Variants in MLLT10 observed in about 807,000 individuals in gnomAD.
The protein encoded by MLLT10 is MLLT10 histone lysine methyltransferase DOT1L cofactor.
A neutral mutation model predicts 129.1 loss-of-function variants in MLLT10; 30 were observed. The observed-to-expected ratio is 0.23, with a 90% CI of 0.17 to 0.32. The LOEUF (loss-of-function observed/expected upper bound fraction) is 0.32, where lower values mean the gene tolerates loss of function less well. Among genes scored for constraint, MLLT10 ranks in the 10% least tolerant of loss-of-function variants. The pLI is 1.00. For synonymous variants in MLLT10, 490 were observed against 446.4 expected, an observed-to-expected ratio of 1.10 and a Z score of -1.23; for missense variants, 1,119 against 1,268.3, an observed-to-expected ratio of 0.88 and a Z score of 1.79.
intron 4 of MLLT10, among the ~76,000 whole-genome samples, chr10:21,591,999 G>A (rs1262693762): frequency 6.6e-6 from 1 of 152,120 alleles, no homozygotes; most frequent in African/African-American, 2.4e-5. Context: ...GGGATTACAG[G>A]CGTGAGCCAC....
chr10:21,598,556 C>A (rs948607964), intron 5 of MLLT10, among the ~76,000 whole-genome samples: 2 of 152,128 alleles, frequency 1.3e-5, no homozygotes, highest in Admixed American at 6.6e-5. Flanking sequence ...ATACATATTT[C>A]TATAAATTCA....
chr10:21,742,052 CT>C lies in MLLT10; in HGVS notation c.*73del. 7.2e-7 allele frequency: 1 copy of C among 1,396,060 alleles called. No individual in the cohort carries two copies. The highest frequency in any genetic ancestry group is 1.0e-6 in the Non-Finnish European group (1 of 990,914). 86.5% of individuals were successfully genotyped at this position (1,396,060 alleles called of 1,614,324 possible). A position where few individuals can be genotyped will look rare whatever the true frequency, so the allele number is the denominator to read the frequency against. On this transcript the variant is annotated 3_prime_UTR_variant, in exon 23 of 23. Coordinates refer to ENST00000307729, the MANE Select transcript of MLLT10 (RefSeq NM_001195626.3). Reference sequence around the variant, plus strand: ...ACTTCATCTGGCTGCCTTTGCAGTCCTTTTACTACAGCTATGAAGAAACGCA... The same window carrying C: ...ACTTCATCTGGCTGCCTTTGCAGTCCTTTACTACAGCTATGAAGAAACGCA...
intron 17 of MLLT10, among the ~76,000 whole-genome samples, chr10:21,731,357 TATTGTGAGG>T (rs1165472779): frequency 1.3e-5 from 2 of 152,146 alleles, no homozygotes; most frequent in East Asian, 3.9e-4. Context: ...ATCAGAGGGT[TATTGTGAGG>T]ATTAAATGAC....
intron 13 of MLLT10, among the ~76,000 whole-genome samples, chr10:21,698,014 G>A (rs1280273779): frequency 6.6e-6 from 1 of 152,174 alleles, no homozygotes; most frequent in Non-Finnish European, 1.5e-5. Flanking sequence ...GCAAGTCAGG[G>A]TATGTGGGGT....
intron 3 of MLLT10, among the ~76,000 whole-genome samples, chr10:21,562,190 T>C (rs545989157): frequency 6.6e-6 from 1 of 152,280 alleles, no homozygotes; most frequent in Non-Finnish European, 1.5e-5. Flanking sequence ...CTTTTCAAGA[T>C]TGTTTTGGCT....
intron 4 of MLLT10, 141 bp from the exon 5 acceptor site, chr10:21,595,190 G>A (rs368246141): frequency 7.1e-6 from 4 of 565,544 alleles, no homozygotes; most frequent in South Asian, 3.2e-5. Flanking sequence ...AGCAATGGAA[G>A]TAAGACAGCA....
chr10:21,637,406 A>G (rs2047563987), intron 8 of MLLT10, among the ~76,000 whole-genome samples: 1 of 152,200 alleles, frequency 6.6e-6, no homozygotes, highest in Non-Finnish European at 1.5e-5. Context: ...CGATGGTGGG[A>G]TTCTGAAGAG....
chr10:21,670,854 G>A, intron 10 of MLLT10, 150 bp downstream of exon 10: 1 of 861,178 alleles, frequency 1.2e-6, no homozygotes, highest in Non-Finnish European at 1.6e-6. Context: ...TTACTTTAAA[G>A]ATAGTGTTTC....
At chr10:21,611,178 T>G (rs1451791209) in intron 5 of MLLT10, among the ~76,000 whole-genome samples, 1 of 149,646 alleles carries the variant, frequency 6.7e-6, no homozygotes, top group Non-Finnish European at 1.5e-5. Flanking sequence ...TTTTTTTTTT[T>G]TTGTAATTTT....
At chr10:21,735,289 A>G in intron 21 of MLLT10, 54 bp downstream of exon 21, 2 of 1,366,604 alleles carry the variant, frequency 1.5e-6, no homozygotes, top group Non-Finnish European at 2.1e-6. Flanking sequence ...CTAAGCTGTA[A>G]TATTCACTGT....
At chr10:21,582,371 C>T (rs1391619922) in intron 3 of MLLT10, among the ~76,000 whole-genome samples, 4 of 152,180 alleles carry the variant, frequency 2.6e-5, no homozygotes, top group Non-Finnish European at 5.9e-5. Context: ...CTGCCCGCCT[C>T]AGCCTCCCAA....
chr10:21,573,059 C>T (rs1589016005), intron 3 of MLLT10, among the ~76,000 whole-genome samples: 1 of 152,148 alleles, frequency 6.6e-6, no homozygotes, highest in East Asian at 1.9e-4. Flanking sequence ...TACAACCTTA[C>T]TTAAGTCATA....
intron 3 of MLLT10, among the ~76,000 whole-genome samples, chr10:21,540,094 T>A (rs1450081186): frequency 6.6e-6 from 1 of 151,852 alleles, no homozygotes; most frequent in Non-Finnish European, 1.5e-5. Context: ...AAGAAAAATT[T>A]TAAAAATTAG....
At chr10:21,669,064 A>G (rs777897818) in intron 9 of MLLT10, 7 of 1,359,032 alleles carry the variant, frequency 5.2e-6, no homozygotes, top group East Asian at 7.1e-5. Flanking sequence ...TAAGCCATGA[A>G]GTTTCATCAG....
intron 13 of MLLT10, chr10:21,688,643 A>AT (rs1389378026): frequency 1.1e-6 from 1 of 885,592 alleles, no homozygotes; most frequent in Non-Finnish European, 1.7e-6. Flanking sequence ...GTATGTACTC[A>AT]TAAAAAAAAA....
At chr10:21,687,984 A>G (rs940668196) in intron 13 of MLLT10, among the ~76,000 whole-genome samples, 1 of 152,228 alleles carries the variant, frequency 6.6e-6, no homozygotes, top group Non-Finnish European at 1.5e-5. Flanking sequence ...TTTCCATTTC[A>G]AAGTATCCAG....
intron 21 of MLLT10, among the ~76,000 whole-genome samples, chr10:21,738,962 T>C (rs2058609331): frequency 6.6e-6 from 1 of 152,130 alleles, no homozygotes; most frequent in South Asian, 2.1e-4. Context: ...ATGCAGCTGC[T>C]CACTCAGTAG....
At chr10:21,539,948 G>GA (rs551675253) in intron 3 of MLLT10, among the ~76,000 whole-genome samples, 99 of 135,374 alleles carry the variant, frequency 7.3e-4, no homozygotes, top group South Asian at 2.2e-3. Flanking sequence ...CTCAGGAAAG[G>GA]AAAAAAAAAA....
chr10:21,547,397 T>A (rs1320370340), intron 3 of MLLT10, among the ~76,000 whole-genome samples: 1 of 150,026 alleles, frequency 6.7e-6, no homozygotes, highest in South Asian at 2.1e-4. Flanking sequence ...ATTACTCTGC[T>A]GTTTTCTTTT....
Sources: allele counts gnomAD v4.1 joint callset (sites outside exome capture counted in the v4.1 genomes callset), GRCh38; gene constraint gnomAD v4.1.1; transcripts MANE v1.5; gene names NCBI Gene and HGNC (gene_info 2026-07-23, HGNC 2026-07-21).